Variants in HS6ST3 observed in about 807,000 individuals in gnomAD.
HS6ST3 encodes heparan sulfate 6-O-sulfotransferase 3.
A neutral mutation model predicts 36.7 loss-of-function variants in HS6ST3; 12 were observed. The observed-to-expected ratio is 0.33, with a 90% CI of 0.21 to 0.53. The LOEUF is 0.53. Among genes scored for constraint, HS6ST3 ranks in the 20% least tolerant of loss-of-function variants. The pLI is 0.95. For synonymous variants in HS6ST3, 240 were observed against 257.5 expected (o/e 0.93, Z 0.65); for missense variants, 584 against 640.9 (o/e 0.91, Z 0.96).
chr13:96,818,359 G>A (rs946615673), intron 1 of HS6ST3, among the ~76,000 whole-genome samples: 2 of 152,164 alleles, frequency 1.3e-5, no homozygotes, highest in African/African-American at 4.8e-5. Flanking sequence ...GCTAATTATC[G>A]TCAATAAGTG....
At chr13:96,228,016 C>T (rs1004945275) in intron 1 of HS6ST3, among the ~76,000 whole-genome samples, 5 of 152,118 alleles carry the variant, frequency 3.3e-5, no homozygotes, top group African/African-American at 7.2e-5. Context: ...TTAACAATCT[C>T]GGAGAACTTA....
At chr13:96,467,056 A>G (rs1303608024) in intron 1 of HS6ST3, among the ~76,000 whole-genome samples, 2 of 152,196 alleles carry the variant, frequency 1.3e-5, no homozygotes, top group African/African-American at 2.4e-5. Flanking sequence ...TCCCACCTAT[A>G]TCTTTGATAT....
chr13:96,722,621 T>C (rs1875877970), intron 1 of HS6ST3, among the ~76,000 whole-genome samples: 1 of 152,222 alleles, frequency 6.6e-6, no homozygotes, highest in Non-Finnish European at 1.5e-5. Context: ...GGGAACCTTA[T>C]TTTATTCTCC....
chr13:96,594,276 C>CT (rs905401336), intron 1 of HS6ST3, among the ~76,000 whole-genome samples: 50 of 146,842 alleles, frequency 3.4e-4, no homozygotes, highest in South Asian at 1.1e-3. Context: ...TGGCCAGGGT[C>CT]TTTTTTTTTT....
intron 1 of HS6ST3, among the ~76,000 whole-genome samples, chr13:96,330,696 G>A (rs1195411187): frequency 1.5e-4 from 22 of 147,584 alleles, no homozygotes; most frequent in South Asian, 4.3e-4. Flanking sequence ...TCTTTGTGGC[G>A]TTCTCTGTAT....
At chr13:96,674,531 A>G (rs936793571) in intron 1 of HS6ST3, among the ~76,000 whole-genome samples, 16 of 152,058 alleles carry the variant, frequency 1.1e-4, no homozygotes, top group African/African-American at 3.9e-4. Context: ...CTCTGGGAAC[A>G]GGGGGAAGTT....
rs1450832963 is a variant in HS6ST3 at position 96,176,154 on chromosome 13, T to A, written c.707+84585T>A. On this transcript the variant is annotated intron_variant, in intron 1 of 1. Coordinates refer to ENST00000376705, the MANE Select transcript of HS6ST3 (RefSeq NM_153456.4). ...AAATATATTTAAATCTATGATTTTA[T>A]AATAAAACAAATAACTTTGCTCAAC... Among the ~76,000 whole-genome samples, 3 of 152,248 alleles carry A rather than the reference T, an allele frequency of 2.0e-5. No homozygotes were observed. In the East Asian group the frequency reaches 5.8e-4, roughly 29 times the overall value.
intron 1 of HS6ST3, among the ~76,000 whole-genome samples, chr13:96,540,730 A>T (rs2056174377): frequency 6.6e-6 from 1 of 152,232 alleles, no homozygotes; most frequent in South Asian, 2.1e-4. Context: ...TTCATAAAGG[A>T]ATCGCTTCTC....
rs542548982 is a variant in HS6ST3, at chr13:96,772,244, G to T, written c.708-60246G>T. Among the ~76,000 whole-genome samples the T allele has an allele frequency of 7.7e-4, 117 of 152,008 alleles. 1 individual carries two copies. Among genetic ancestry groups the T allele is most frequent in the African/African-American group, 2.7e-3 (112 of 41,560 alleles). ...GCCTCGGGCCTCCTGCCCATTCCCA[G>T]TCTGGAGATGCATCTTTGAGAGTCA... On this transcript the variant is annotated intron_variant, in intron 1 of 1. Transcript: ENST00000376705.
intron 1 of HS6ST3, among the ~76,000 whole-genome samples, chr13:96,231,567 C>T (rs752744886): frequency 2.6e-5 from 4 of 152,030 alleles, no homozygotes; most frequent in Non-Finnish European, 5.9e-5. Flanking sequence ...TGATAACTCA[C>T]TATCATGAGA....
At chr13:96,513,832 G>A (rs1388007782) in intron 1 of HS6ST3, among the ~76,000 whole-genome samples, 1 of 151,966 alleles carries the variant, frequency 6.6e-6, no homozygotes, top group Non-Finnish European at 1.5e-5. Context: ...GGCCATCTTT[G>A]AGCAGAGGCC....
At chr13:96,509,596 A>G in intron 1 of HS6ST3, among the ~76,000 whole-genome samples, 1 of 152,228 alleles carries the variant, frequency 6.6e-6, no homozygotes, top group South Asian at 2.1e-4. Flanking sequence ...TTTATTAAAC[A>G]GGGCATCCAT....
At chr13:96,704,891 G>A (rs1437334763) in intron 1 of HS6ST3, among the ~76,000 whole-genome samples, 2 of 152,124 alleles carry the variant, frequency 1.3e-5, no homozygotes, top group Admixed American at 1.3e-4. Context: ...GTGCTATCTG[G>A]CCTCTTTTCA....
Position 96,241,643 on chromosome 13 carries a change from T to G in HS6ST3, c.707+150074T>G, listed in dbSNP as rs1402655748. On this transcript the variant is annotated intron_variant, in intron 1 of 1. Coordinates refer to ENST00000376705, the MANE Select transcript of HS6ST3 (RefSeq NM_153456.4). ...AAATTTACCAACTTTTTTTTTTTTT[T>G]GCAGAGATGTGTGATAAGGTAATCA... Among the ~76,000 whole-genome samples the G allele has an allele frequency of 3.3e-5, 5 of 151,258 alleles. No homozygotes were observed. The East Asian group carries it at 7.7e-4, about 23-fold the overall frequency.
At chr13:96,391,264 CTG>C (rs1204054267) in intron 1 of HS6ST3, among the ~76,000 whole-genome samples, 1 of 152,124 alleles carries the variant, frequency 6.6e-6, no homozygotes, top group Non-Finnish European at 1.5e-5. Flanking sequence ...CTTTTTTTGG[CTG>C]TGTGTTCCCA....
chr13:96,376,341 A>G (rs1250104330), intron 1 of HS6ST3, among the ~76,000 whole-genome samples: 1 of 152,190 alleles, frequency 6.6e-6, no homozygotes, highest in African/African-American at 2.4e-5. Context: ...ATATCATTGT[A>G]GGAGACTCTT....
At position 96,757,291 on chromosome 13, in the gene HS6ST3, G is replaced by A. The variant is rs1473780424; in HGVS notation, c.708-75199G>A. Among the ~76,000 whole-genome samples, 4 of 152,246 alleles carry A rather than the reference G, an allele frequency of 2.6e-5. 1 individual carries two copies. Among genetic ancestry groups the A allele is most frequent in the East Asian group, 1.9e-4 (1 of 5,178 alleles). On this transcript the variant is annotated intron_variant, in intron 1 of 1. Transcript: ENST00000376705. ...TAGCTAGAGGCAAGCCAGTGAGTTG[G>A]CCCATAGCAATAGTGAATTACATAA... is the stretch of plus-strand genomic sequence containing the variant.
intron 1 of HS6ST3, among the ~76,000 whole-genome samples, chr13:96,799,975 T>A (rs1432825389): frequency 1.1e-5 from 1 of 90,010 alleles, no homozygotes; most frequent in South Asian, 2.9e-4. Context: ...TGTATATATA[T>A]ATATATGTAT....
chr13:96,135,204 G>T (rs1189257374), intron 1 of HS6ST3, among the ~76,000 whole-genome samples: 1 of 152,140 alleles, frequency 6.6e-6, no homozygotes, highest in African/African-American at 2.4e-5. Flanking sequence ...GCAGGTTTAT[G>T]GGAGACTGCT....
Sources: gnomAD v4.1 joint callset for allele counts (sites outside exome capture counted in the v4.1 genomes callset) on GRCh38, gnomAD v4.1.1 for gene constraint, MANE v1.5 for transcripts, NCBI Gene and HGNC (gene_info 2026-07-23, HGNC 2026-07-21) for gene names.